Variants in STXBP4 observed in about 807,000 individuals in gnomAD.
The protein encoded by STXBP4 is syntaxin binding protein 4.
In STXBP4, 55 loss-of-function variants were observed where a neutral mutation model predicts 76.1. The ratio of observed to expected loss-of-function variants is 0.72; its 90% CI spans 0.58 to 0.91. STXBP4 has a LOEUF of 0.91. STXBP4 is among the 40% of genes least tolerant of loss of function. The pLI, the probability that STXBP4 is intolerant of heterozygous loss-of-function variation, is 0.00. For synonymous variants in STXBP4, 201 were observed against 220.2 expected, an observed-to-expected ratio of 0.91 and a Z score of 0.77; for missense variants, 618 against 636.9, an observed-to-expected ratio of 0.97 and a Z score of 0.32.
chr17:55,096,516 A>G (rs941201747), intron 16 of STXBP4, among the ~76,000 whole-genome samples: 4 of 152,078 alleles, frequency 2.6e-5, no homozygotes, highest in African/African-American at 4.8e-5. Context: ...GTAGTTTTCA[A>G]TCTGCTATAA....
In STXBP4 at chr17:55,072,904, C is replaced by A. The variant is rs1302416052; in HGVS notation, c.1016C>A (p.Ala339Asp). Residue 339 changes from alanine to aspartate, a missense_variant, in exon 13 of 18, where the codon GCC becomes GAC. Ala to Asp is a moderately radical substitution (Grantham distance 126). Transcript: ENST00000376352. ...TEELQNVKQE[A>D]KAVVEETRAL... is the part of the protein sequence containing the mutation. ...CATTAATTTTGAAATCTTTAGGAAG[C>A]CAAAGCTGTAGTTGAAGAAACAAGA... is the stretch of plus-strand genomic sequence containing the variant. The A allele has an allele frequency of 6.3e-7, 1 of 1,595,538 alleles. No individual in the cohort carries two copies. Among genetic ancestry groups the A allele is most frequent in the African/African-American group, 1.4e-5 (1 of 73,980 alleles).
At chr17:55,137,879 A>G (rs1219670346) in intron 16 of STXBP4, among the ~76,000 whole-genome samples, 1 of 152,104 alleles carries the variant, frequency 6.6e-6, no homozygotes, top group Non-Finnish European at 1.5e-5. Context: ...CACACCATCA[A>G]TGCTGTGTCT....
chr17:55,057,376 C>T (rs889083687), intron 12 of STXBP4, among the ~76,000 whole-genome samples: 2 of 152,108 alleles, frequency 1.3e-5, no homozygotes, highest in South Asian at 2.1e-4. Context: ...AATTTACGTG[C>T]GTATACTAAA....
intron 17 of STXBP4, among the ~76,000 whole-genome samples, chr17:55,153,891 AT>A (rs371668262): frequency 1.9e-4 from 29 of 152,212 alleles, no homozygotes; most frequent in African/African-American, 7.0e-4. Context: ...GCTATTACTT[AT>A]TTTCTGTATT....
rs546395031 is a variant in STXBP4, at chr17:55,022,332, C to A, written c.667-8836C>A. 2.0e-5 allele frequency among the ~76,000 whole-genome samples: 3 copies of A among 151,892 alleles called. No homozygotes were observed. In the South Asian group the frequency reaches 6.2e-4, roughly 32 times the overall value. On this transcript the variant is annotated intron_variant, in intron 8 of 17. Transcript: ENST00000376352. Reference sequence around the variant, plus strand: ...TTTTTTTATTCTACCCTACTCCTTTCCTTCATTCTCATGGCAATGAAGGAG... The same window carrying A: ...TTTTTTTATTCTACCCTACTCCTTTACTTCATTCTCATGGCAATGAAGGAG...
intron 17 of STXBP4, among the ~76,000 whole-genome samples, chr17:55,153,985 T>C (rs1256950381): frequency 1.3e-5 from 2 of 152,178 alleles, no homozygotes; most frequent in Non-Finnish European, 2.9e-5. Flanking sequence ...CTTGAAATAT[T>C]CTCGTCTTGC....
the STXBP4 span, among the ~76,000 whole-genome samples, chr17:55,185,245 T>TCTTCTCCTTCTCCTTCTCCTTCTC: frequency 3.5e-5 from 2 of 57,916 alleles, no homozygotes; most frequent in African/African-American, 1.6e-4. Context: ...TTCTTCTTCT[T>TCTTCTCCTTCTCCTTCTCCTTCTC]CTTCTCCTTC....
At chr17:55,094,165 GAAA>G (rs34886189) in intron 16 of STXBP4, among the ~76,000 whole-genome samples, 6 of 108,222 alleles carry the variant, frequency 5.5e-5, no homozygotes, top group Admixed American at 2.0e-4. Context: ...TGAGGGACAG[GAAA>G]AAAAAAAAAA....
chr17:55,185,365 C>CCTTCTT, the STXBP4 span, among the ~76,000 whole-genome samples: 2 of 143,422 alleles, frequency 1.4e-5, no homozygotes. Flanking sequence ...TCCTCCTTCT[C>CCTTCTT]CTTCTTCTTC....
chr17:55,004,182 CAA>C (rs1013198000), intron 7 of STXBP4, among the ~76,000 whole-genome samples: 2 of 122,902 alleles, frequency 1.6e-5, no homozygotes. Flanking sequence ...GATGCCATCT[CAA>C]AAAAAAAAAA....
chr17:55,112,374 C>T (rs1191909258), intron 16 of STXBP4, among the ~76,000 whole-genome samples: 1 of 152,168 alleles, frequency 6.6e-6, no homozygotes, highest in Non-Finnish European at 1.5e-5. Flanking sequence ...AAGGTCCTCA[C>T]TTGTCTTACT....
chr17:55,024,406 A>T (rs1307280441), intron 8 of STXBP4, among the ~76,000 whole-genome samples: 1 of 152,200 alleles, frequency 6.6e-6, no homozygotes, highest in Non-Finnish European at 1.5e-5. Flanking sequence ...ATGTTCTTTA[A>T]TAAAGAGCCA....
chr17:55,137,466 G>A (rs1179969022), intron 16 of STXBP4, among the ~76,000 whole-genome samples: 2 of 151,880 alleles, frequency 1.3e-5, no homozygotes, highest in Non-Finnish European at 2.9e-5. Flanking sequence ...CCAATTTTTT[G>A]TTTTTACAAT....
At chr17:54,990,552 G>A (rs2077699321) in intron 3 of STXBP4, among the ~76,000 whole-genome samples, 4 of 152,058 alleles carry the variant, frequency 2.6e-5, no homozygotes, top group Non-Finnish European at 4.4e-5. Context: ...ATTGTGAATT[G>A]TATAATTATT....
Position 55,167,978 on chromosome 17 carries a change from A to G in STXBP4, c.*8067A>G, listed in dbSNP as rs2080385184. ...TGGAATGGAATATGAAAAGATGTTT[A>G]TGAGCAGATTCTATTTCTTTAGGCA... On this transcript the variant is annotated 3_prime_UTR_variant, in exon 18 of 18. Transcript: ENST00000376352. 1 of 152,210 alleles carries G rather than the reference A, an allele frequency of 6.6e-6. No individual in the cohort carries two copies. The highest frequency in any genetic ancestry group is 2.1e-4 in the South Asian group (1 of 4,826). The allele number at this position is 152,210 out of a possible 1,614,324, so 9.4% of individuals were successfully genotyped here.
chr17:54,991,262 ATCT>A (rs1487999347), intron 4 of STXBP4: 2 of 164,792 alleles, frequency 1.2e-5, no homozygotes, highest in African/African-American at 4.8e-5. Context: ...ATGACTTGTT[ATCT>A]TTCTACTACT....
chr17:55,105,858 A>G (rs2079628842), intron 16 of STXBP4, among the ~76,000 whole-genome samples: 1 of 152,092 alleles, frequency 6.6e-6, no homozygotes, highest in East Asian at 1.9e-4. Context: ...GCATTTGCTG[A>G]GGAGTGTTTT....
intron 13 of STXBP4, among the ~76,000 whole-genome samples, chr17:55,073,429 G>T (rs1039458767): frequency 1.3e-5 from 2 of 152,156 alleles, no homozygotes; most frequent in Non-Finnish European, 2.9e-5. Context: ...GAGCAGGGGA[G>T]TCTAGGAATG....
intron 16 of STXBP4, among the ~76,000 whole-genome samples, chr17:55,113,796 G>GTTGT (rs898042604): frequency 1.3e-4 from 19 of 151,996 alleles, no homozygotes; most frequent in Non-Finnish European, 2.6e-4. Flanking sequence ...ACTTTTGTGT[G>GTTGT]TTGTTTGTTT....
Sources: gnomAD v4.1 joint callset for allele counts (sites outside exome capture counted in the v4.1 genomes callset) on GRCh38, gnomAD v4.1.1 for gene constraint, MANE v1.5 for transcripts, NCBI Gene and HGNC (gene_info 2026-07-23, HGNC 2026-07-21) for gene names.